The following ZNF30 variants were observed in gnomAD, a reference collection of about 807,000 sequenced individuals.
ZNF30 encodes the protein zinc finger protein 30.
In ZNF30, 15 loss-of-function variants were observed where a neutral mutation model predicts 13.2. The ratio of observed to expected loss-of-function variants is 1.13; its 90% CI spans 0.76 to 1.75. The LOEUF (loss-of-function observed/expected upper bound fraction) is 1.75. ZNF30 is among the 40% of genes most tolerant of loss of function. The pLI, the probability that ZNF30 is intolerant of heterozygous loss-of-function variation, is 0.00. For missense variants in ZNF30, 726 were observed against 757.0 expected (o/e 0.96, Z 0.48); for synonymous variants, 223 against 256.6 (o/e 0.87, Z 1.25).
chr19:34,939,550 T>C (rs1323955644), intron 4 of ZNF30, among the ~76,000 whole-genome samples: 4 of 152,052 alleles, frequency 2.6e-5, no homozygotes, highest in Non-Finnish European at 5.9e-5. Context: ...CTGACCTCAA[T>C]TGATCTACCC....
At position 34,941,109 on chromosome 19, in the gene ZNF30, A is replaced by G. The variant is rs554295386; in HGVS notation, c.257-2114A>G. Among the ~76,000 whole-genome samples, 9 of 152,234 alleles carry G rather than the reference A, an allele frequency of 5.9e-5. No homozygotes were observed. The East Asian group carries it at 1.7e-3, about 29-fold the overall frequency. On this transcript the variant is annotated intron_variant, in intron 4 of 4. Transcript: ENST00000601142. ...TTGCCTATCCAGTTTCATGGACATG[A>G]ATTTGTGTCTTTGTGACATTGTCCA...
Position 34,944,739 on chromosome 19 carries a change from T to G in ZNF30, c.1773T>G (p.Thr591=). 6.2e-7 allele frequency: 1 copy of G among 1,614,054 alleles called. No homozygotes were observed. The highest frequency in any genetic ancestry group is 2.2e-5 in the East Asian group (1 of 44,888). ...TTACTGAACATCAGCGGGTACACAC[T>G]GGTGAGAAACCCTTTAAATGCAAAA... is the stretch of plus-strand genomic sequence containing the variant. The part of the protein sequence containing the change: ...SFLTEHQRVH[T]GEKPFKCKKC... The change falls in exon 5 of 5, where the codon ACT becomes ACG. Residue 591 remains threonine (T), a synonymous_variant. Coordinates refer to ENST00000601142, the MANE Select transcript of ZNF30 (RefSeq NM_194325.3).
chr19:34,934,777 A>G (rs1447290315), intron 4 of ZNF30, among the ~76,000 whole-genome samples: 2 of 152,152 alleles, frequency 1.3e-5, no homozygotes, highest in Non-Finnish European at 2.9e-5. Context: ...CTGGGGGACA[A>G]CAAGAGGGCG....
chr19:34,944,843 C>CT lies in ZNF30; in HGVS notation c.*6dup, dbSNP rs751339677. On this transcript the variant is annotated 3_prime_UTR_variant, in exon 5 of 5. Coordinates refer to ENST00000601142, the MANE Select transcript of ZNF30 (RefSeq NM_194325.3). ...CATATGAGTGTTATACCCTAAGAGT[C>CT]TGAGGAGTGTGGGAAGTGCTTCGTG... The CT allele has an allele frequency of 2.8e-4, 432 of 1,563,434 alleles. No homozygotes were observed. The highest frequency in any genetic ancestry group is 3.6e-4 in the Non-Finnish European group (419 of 1,150,632).
chr19:34,931,414 G>A (rs2012445376), intron 2 of ZNF30, among the ~76,000 whole-genome samples: 1 of 152,122 alleles, frequency 6.6e-6, no homozygotes, highest in South Asian at 2.1e-4. Context: ...TGAAGCTTGA[G>A]GAGTTATTCA....
At chr19:34,926,342 A>C (rs575840640), upstream of ZNF30, among the ~76,000 whole-genome samples, 4 of 152,338 alleles carry the variant, frequency 2.6e-5, no homozygotes, top group South Asian at 8.3e-4. Flanking sequence ...AGAAAGAGTA[A>C]ATATCTCCTA....
chr19:34,938,974 A>G (rs915241810), intron 4 of ZNF30, among the ~76,000 whole-genome samples: 10 of 152,158 alleles, frequency 6.6e-5, no homozygotes, highest in African/African-American at 2.4e-4. Flanking sequence ...TACCCTTAGC[A>G]ATTCCACGGG....
chr19:34,926,780 C>T (rs1287770331), upstream of ZNF30: 6 of 395,472 alleles, frequency 1.5e-5, no homozygotes, highest in Non-Finnish European at 2.7e-5. Context: ...CCACCTACTT[C>T]GGGCCTCAGG....
intron 2 of ZNF30, 58 bp from the exon 3 acceptor site, chr19:34,931,785 C>G (rs2012465486): frequency 1.3e-6 from 2 of 1,555,406 alleles, no homozygotes. Context: ...CCTTACTACA[C>G]TGAAACGTTT....
At chr19:34,942,513 TAA>T (rs1440281810) in intron 4 of ZNF30, 1 of 556,878 alleles carries the variant, frequency 1.8e-6, no homozygotes, top group African/African-American at 2.0e-5. Context: ...TGCTAGAAAG[TAA>T]AGACATGGAC....
intron 3 of ZNF30, 143 bp downstream of exon 3, chr19:34,932,136 A>T: frequency 1.3e-6 from 1 of 776,280 alleles, no homozygotes; most frequent in Non-Finnish European, 1.8e-6. Flanking sequence ...GTTGGAAATG[A>T]TCCAGTGGCA....
chr19:34,930,082 C>A, intron 2 of ZNF30, 126 bp downstream of exon 2: 2 of 932,950 alleles, frequency 2.1e-6, no homozygotes, highest in Non-Finnish European at 3.3e-6. Context: ...TTCTGTTTGG[C>A]GGAATGATGT....
chr19:34,932,067 G>T, intron 3 of ZNF30, 74 bp downstream of exon 3: 1 of 1,334,684 alleles, frequency 7.5e-7, no homozygotes, highest in Non-Finnish European at 9.9e-7. Flanking sequence ...TTTAGGGCTA[G>T]CTTAAGAACT....
At chr19:34,938,702 A>G (rs4805099) in intron 4 of ZNF30, among the ~76,000 whole-genome samples, 150,852 of 152,278 alleles carry the variant, frequency 0.99, 74,722 homozygotes, top group East Asian at 1. Flanking sequence ...CCGGAGGTTC[A>G]TCTTAGGCTC....
intron 3 of ZNF30, 112 bp downstream of exon 3, chr19:34,932,105 A>G: frequency 9.7e-7 from 1 of 1,031,108 alleles, no homozygotes; most frequent in Non-Finnish European, 1.3e-6. Context: ...GTTGCCAGAG[A>G]AATGATTTGA....
chr19:34,945,058 G>C lies in ZNF30; in HGVS notation c.*220G>C. 1 of 479,242 alleles carries C rather than the reference G, an allele frequency of 2.1e-6. No homozygotes were observed. The highest frequency in any genetic ancestry group is 3.6e-6 in the Non-Finnish European group (1 of 280,152). The allele number at this position is 479,242 out of a possible 1,614,324, so 29.7% of individuals were successfully genotyped here. A position where few individuals can be genotyped will look rare whatever the true frequency, so the allele number is the denominator to read the frequency against. The stretch of plus-strand genomic sequence containing the variant: ...CTGGTGGACCATTCAGAAAAAGTGG[G>C]AAACGTTATTACTTAATGGTTACAG... On this transcript the variant is annotated 3_prime_UTR_variant, in exon 5 of 5. Coordinates refer to ENST00000601142, the MANE Select transcript of ZNF30 (RefSeq NM_194325.3).
chr19:34,926,396 T>C (rs992244725), upstream of ZNF30, among the ~76,000 whole-genome samples: 9 of 152,204 alleles, frequency 5.9e-5, no homozygotes, highest in Admixed American at 6.5e-5. Flanking sequence ...TACATATAGT[T>C]AATATCTGTT....
chr19:34,944,138 G>A lies in ZNF30; in HGVS notation c.1172G>A (p.Gly391Glu). The change falls in exon 5 of 5, where the codon GGA becomes GAA. Residue 391 changes from glycine to glutamate, a missense_variant. By Grantham distance (98) the Gly-to-Glu change is moderately conservative. Coordinates refer to ENST00000601142, the MANE Select transcript of ZNF30 (RefSeq NM_194325.3). ...CGTGCCTCATATCTTGTTCAACATG[G>A]AAGACTTCACACTGGCGAGAAGCCC... Reference protein sequence around the residue: ...FSRASYLVQHGRLHTGEKPYE... With the variant: ...FSRASYLVQHERLHTGEKPYE... 1 of 1,612,990 alleles carries A rather than the reference G, an allele frequency of 6.2e-7. No individual in the cohort carries two copies. Among genetic ancestry groups the A allele is most frequent in the East Asian group, 2.2e-5 (1 of 44,798 alleles).
intron 4 of ZNF30, among the ~76,000 whole-genome samples, chr19:34,939,113 GTGTCT>G (rs2012890748): frequency 7.3e-6 from 1 of 137,578 alleles, no homozygotes; most frequent in Non-Finnish European, 1.5e-5. Context: ...TTACCTATCA[GTGTCT>G]TGTCTCCCCT....
Sources: gnomAD v4.1 joint callset for allele counts (sites outside exome capture counted in the v4.1 genomes callset) on GRCh38, gnomAD v4.1.1 for gene constraint, MANE v1.5 for transcripts, NCBI Gene and HGNC (gene_info 2026-07-23, HGNC 2026-07-21) for gene names.